WDR41: variants seen among roughly 807,000 people sequenced by gnomAD.
WDR41 encodes the protein WD repeat domain 41, also known as WD repeat-containing protein 41.
A neutral mutation model predicts 69.3 loss-of-function variants in WDR41; 63 were observed. The ratio of observed to expected loss-of-function variants is 0.91; its 90% CI spans 0.74 to 1.12. WDR41 has a LOEUF of 1.12. WDR41 is among the 50% of genes most tolerant of loss of function. WDR41 has a pLI of 0.00. For missense variants in WDR41, 543 were observed against 534.5 expected (o/e 1.02, Z -0.16); for synonymous variants, 185 against 192.1 (o/e 0.96, Z 0.31).
intron 2 of WDR41, among the ~76,000 whole-genome samples, chr5:77,469,081 G>A (rs10075256): frequency 0.054 from 8,147 of 152,190 alleles, 356 homozygotes; most frequent in Admixed American, 0.13. Flanking sequence ...ATGAGTTCAC[G>A]TCCTTTGTAG....
At chr5:77,452,801 A>T (rs1419250727) in intron 6 of WDR41, 1 of 152,194 alleles carries the variant, frequency 6.6e-6, no homozygotes, top group Non-Finnish European at 1.5e-5. Context: ...AAACAAAGGG[A>T]GACTGCAATA....
intron 1 of WDR41, among the ~76,000 whole-genome samples, chr5:77,609,979 A>C (rs1744512735): frequency 6.6e-6 from 1 of 152,170 alleles, no homozygotes; most frequent in Admixed American, 6.5e-5. Context: ...GATGGAGCTG[A>C]AAGCCAAGGC....
intron 3 of WDR41, among the ~76,000 whole-genome samples, 189 bp from the exon 4 acceptor site, chr5:77,463,415 T>C (rs1425148857): frequency 6.6e-6 from 1 of 152,176 alleles, no homozygotes; most frequent in Non-Finnish European, 1.5e-5. Context: ...TAACTATAGT[T>C]TTATTTTCTA....
intron 1 of WDR41, among the ~76,000 whole-genome samples, chr5:77,536,200 G>A (rs548059716): frequency 1.3e-5 from 2 of 152,126 alleles, no homozygotes; most frequent in African/African-American, 4.8e-5. Context: ...CAAGCCCCCT[G>A]CAAGTCTCCT....
chr5:77,613,561 A>G (rs1744610481), intron 1 of WDR41, among the ~76,000 whole-genome samples: 1 of 152,212 alleles, frequency 6.6e-6, no homozygotes, highest in Admixed American at 6.5e-5. Flanking sequence ...TCCCTATTTA[A>G]TAAATGGTGC....
At chr5:77,509,246 T>A (rs1802159963) in intron 1 of WDR41, among the ~76,000 whole-genome samples, 5 of 152,142 alleles carry the variant, frequency 3.3e-5, no homozygotes, top group Admixed American at 3.3e-4. Flanking sequence ...CTGAACTGGT[T>A]TTTTTCTAGG....
chr5:77,452,568 G>A (rs1799668338), intron 6 of WDR41: 1 of 152,028 alleles, frequency 6.6e-6, no homozygotes, highest in Admixed American at 6.6e-5. Context: ...AATCAAGCAG[G>A]GCTTATGAAA....
intron 2 of WDR41, among the ~76,000 whole-genome samples, chr5:77,482,500 C>T (rs971194075): frequency 1.3e-5 from 2 of 151,872 alleles, no homozygotes; most frequent in Admixed American, 6.6e-5. Context: ...CCTGTCTTGT[C>T]GAGTTCTCAC....
At chr5:77,490,008 G>C (rs1801698379) in intron 1 of WDR41, among the ~76,000 whole-genome samples, 1 of 152,114 alleles carries the variant, frequency 6.6e-6, no homozygotes, top group African/African-American at 2.4e-5. Context: ...TCCATTACAA[G>C]CACTCAATAC....
At chr5:77,490,099 A>AT (rs988385032) in intron 1 of WDR41, among the ~76,000 whole-genome samples, 9 of 110,356 alleles carry the variant, frequency 8.2e-5, no homozygotes, top group South Asian at 3.2e-4. Flanking sequence ...GGGCTAGAGA[A>AT]TTTTTTTTTT....
At position 77,445,251 on chromosome 5, in the gene WDR41, A is replaced by T. The variant is rs181226329; in HGVS notation, c.698-4254T>A. Among the ~76,000 whole-genome samples, 15 of 152,322 alleles carry T rather than the reference A, an allele frequency of 9.8e-5. No individual in the cohort carries two copies. In the East Asian group the frequency reaches 2.9e-3, roughly 29 times the overall value. ...AGTAAGAAGTCGAATCCCTGAATAG[A>T]CCAATAACAAGTTCTGAAATTGAGG... is the stretch of plus-strand genomic sequence containing the variant. On this transcript the variant is annotated intron_variant, in intron 8 of 12. Coordinates refer to ENST00000296679, the MANE Select transcript of WDR41 (RefSeq NM_018268.4).
intron 1 of WDR41, among the ~76,000 whole-genome samples, chr5:77,507,493 C>A (rs887577882): frequency 2.0e-5 from 3 of 152,142 alleles, no homozygotes; most frequent in African/African-American, 4.8e-5. Flanking sequence ...GTTAGATGAG[C>A]ACTAGCACTA....
chr5:77,459,197 T>G, intron 4 of WDR41, 73 bp from the exon 5 acceptor site: 1 of 1,119,858 alleles, frequency 8.9e-7, no homozygotes, highest in Non-Finnish European at 1.3e-6. Flanking sequence ...AATTAACAAT[T>G]AAGCCACAAA....
intron 1 of WDR41, among the ~76,000 whole-genome samples, chr5:77,538,653 G>C (rs1222677818): frequency 6.6e-6 from 1 of 152,148 alleles, no homozygotes; most frequent in African/African-American, 2.4e-5. Flanking sequence ...TTTTGTGACT[G>C]CATAAGATTC....
chr5:77,555,806 G>T (rs1254177488), intron 1 of WDR41, among the ~76,000 whole-genome samples: 7 of 152,122 alleles, frequency 4.6e-5, no homozygotes. Flanking sequence ...AAGATGTAAA[G>T]ATTCAATACT....
At position 77,535,406 on chromosome 5, in the gene WDR41, C is replaced by T. The variant is rs114986739; in HGVS notation, c.43-45834G>A. On this transcript the variant is annotated intron_variant, in intron 1 of 5. Transcript: ENST00000509971. ...GTCATGTCAGACCTTAAGGTAACAA[C>T]AAAACTTTCTTGGAAATCTATTCCA... Among the ~76,000 whole-genome samples, 1,116 of 152,212 alleles carry T rather than the reference C, an allele frequency of 7.3e-3. 18 individuals carry two copies. Among genetic ancestry groups the T allele is most frequent in the African/African-American group, 0.026 (1,066 of 41,538 alleles).
chr5:77,533,202 G>A (rs552670496), intron 1 of WDR41, among the ~76,000 whole-genome samples: 17 of 152,102 alleles, frequency 1.1e-4, no homozygotes, highest in Non-Finnish European at 2.1e-4. Flanking sequence ...CTACCCCAGA[G>A]AAATTCCTCA....
At chr5:77,530,634 C>T (rs1373488273) in intron 1 of WDR41, among the ~76,000 whole-genome samples, 2 of 151,714 alleles carry the variant, frequency 1.3e-5, no homozygotes, top group East Asian at 3.9e-4. Flanking sequence ...AATATCCTTG[C>T]ATAGTGATAA....
chr5:77,617,769 T>C (rs183782380), intron 1 of WDR41, among the ~76,000 whole-genome samples: 124 of 152,250 alleles, frequency 8.1e-4, no homozygotes, highest in African/African-American at 2.9e-3. Flanking sequence ...TTTTGAACAT[T>C]TGTATATAAG....
Sources: gnomAD v4.1 joint callset for allele counts (sites outside exome capture counted in the v4.1 genomes callset) on GRCh38, gnomAD v4.1.1 for gene constraint, MANE v1.5 for transcripts, NCBI Gene and HGNC (gene_info 2026-07-23, HGNC 2026-07-21) for gene names.